Variants in SULF1 observed in about 807,000 individuals in gnomAD.
The protein encoded by SULF1 is extracellular sulfatase Sulf-1.
In SULF1, 46 loss-of-function variants were observed where a neutral mutation model predicts 110.5. The ratio of observed to expected loss-of-function variants is 0.42; its 90% CI spans 0.33 to 0.53. The LOEUF (loss-of-function observed/expected upper bound fraction) is 0.53. Among genes scored for constraint, SULF1 ranks in the 20% least tolerant of loss-of-function variants. The pLI is 0.12. For synonymous variants in SULF1, 371 were observed against 387.1 expected (o/e 0.96, Z 0.49); for missense variants, 941 against 1,094.2 (o/e 0.86, Z 1.98).
upstream of SULF1, among the ~76,000 whole-genome samples, chr8:69,489,359 G>A (rs977044341): frequency 5.9e-5 from 9 of 152,088 alleles, no homozygotes; most frequent in Non-Finnish European, 1.2e-4. Context: ...TCATGCAGAA[G>A]TATCCTACAC....
At chr8:69,623,889 C>A in intron 14 of SULF1, 53 bp from the exon 15 acceptor site, 1 of 1,562,454 alleles carries the variant, frequency 6.4e-7, no homozygotes, top group Non-Finnish European at 8.7e-7. Context: ...CACTTTCTTC[C>A]CTTGTAAGCT....
intron 3 of SULF1, among the ~76,000 whole-genome samples, chr8:69,518,425 C>G (rs1197182362): frequency 6.6e-6 from 1 of 152,152 alleles, no homozygotes; most frequent in Admixed American, 6.6e-5. Context: ...CTGGCATTTT[C>G]ACATGTCTAG....
intron 1 of SULF1, among the ~76,000 whole-genome samples, chr8:69,481,781 G>A (rs148551619): frequency 5.3e-5 from 8 of 152,294 alleles, no homozygotes; most frequent in African/African-American, 1.9e-4. Flanking sequence ...CCATGTCCCT[G>A]TGAAGGACAT....
At chr8:69,630,953 T>A (rs925214602) in intron 19 of SULF1, among the ~76,000 whole-genome samples, 4 of 151,930 alleles carry the variant, frequency 2.6e-5, no homozygotes, top group African/African-American at 4.8e-5. Context: ...TATCTCCTAA[T>A]GCTATCCCTC....
chr8:69,558,153 A>G (rs1315362894), intron 3 of SULF1, among the ~76,000 whole-genome samples: 2 of 152,108 alleles, frequency 1.3e-5, no homozygotes, highest in African/African-American at 4.8e-5. Context: ...TCTCTGGGAG[A>G]CTCAAAAGCC....
At chr8:69,490,845 C>T (rs1809905204), upstream of SULF1, among the ~76,000 whole-genome samples, 2 of 152,114 alleles carry the variant, frequency 1.3e-5, no homozygotes, top group Non-Finnish European at 2.9e-5. Context: ...AGCATCTAGG[C>T]CAGTTCCTGA....
intron 13 of SULF1, among the ~76,000 whole-genome samples, chr8:69,607,888 C>G (rs1031884894): frequency 6.6e-6 from 1 of 152,182 alleles, no homozygotes; most frequent in African/African-American, 2.4e-5. Context: ...GACATGCGCC[C>G]TGCTTCCGTT....
upstream of SULF1, among the ~76,000 whole-genome samples, chr8:69,490,308 G>T (rs1170491689): frequency 2.0e-5 from 3 of 151,740 alleles, no homozygotes; most frequent in Non-Finnish European, 4.4e-5. Flanking sequence ...TCATCATGTT[G>T]CCCATGCTAG....
intron 3 of SULF1, among the ~76,000 whole-genome samples, chr8:69,531,666 CTG>C (rs1381510787): frequency 6.6e-6 from 1 of 152,214 alleles, no homozygotes; most frequent in African/African-American, 2.4e-5. Flanking sequence ...TTTATTATGA[CTG>C]AGAGAAGTCT....
At chr8:69,470,224 T>A (rs1049393674) in intron 1 of SULF1, among the ~76,000 whole-genome samples, 5 of 152,138 alleles carry the variant, frequency 3.3e-5, no homozygotes, top group Non-Finnish European at 5.9e-5. Context: ...GGGATTAAAA[T>A]TTTTAAAACC....
rs769014187 is a variant in SULF1 at position 69,589,106 on chromosome 8, G to A, written c.699G>A (p.Gln233=). 1 of 1,614,056 alleles carries A rather than the reference G, an allele frequency of 6.2e-7. No individual in the cohort carries two copies. The highest frequency in any genetic ancestry group is 8.5e-7 in the Non-Finnish European group (1 of 1,180,002). The change falls in exon 8 of 23, where the codon CAG becomes CAA. Residue 233 remains glutamine (Q), a synonymous_variant. Coordinates refer to ENST00000402687, the MANE Select transcript of SULF1 (RefSeq NM_001128205.2). Reference sequence around the variant, plus strand: ...ACGGCCCCGAGGACTCAGCCCCACAGTTTTCTAAACTGTACCCCAATGCTT... The same window carrying A: ...ACGGCCCCGAGGACTCAGCCCCACAATTTTCTAAACTGTACCCCAATGCTT... ...APHGPEDSAP[Q]FSKLYPNASQ...
At chr8:69,470,075 G>A (rs1586182787) in intron 1 of SULF1, among the ~76,000 whole-genome samples, 1 of 152,056 alleles carries the variant, frequency 6.6e-6, no homozygotes, top group Admixed American at 6.6e-5. Flanking sequence ...CAAGATTTCT[G>A]ATACTGAGCT....
intron 1 of SULF1, among the ~76,000 whole-genome samples, chr8:69,470,580 C>T (rs2725088): frequency 0.16 from 23,678 of 151,910 alleles, 3,030 homozygotes; most frequent in African/African-American, 0.35. Flanking sequence ...ACCATCCCAG[C>T]GCAATGATCA....
At chr8:69,504,226 A>G (rs1028491847) in intron 3 of SULF1, among the ~76,000 whole-genome samples, 20 of 151,888 alleles carry the variant, frequency 1.3e-4, no homozygotes, top group Admixed American at 6.6e-5. Context: ...GCACATCTTT[A>G]TTATGGGAAA....
intron 8 of SULF1, chr8:69,592,970 A>C: frequency 1.0e-6 from 1 of 987,372 alleles, no homozygotes; most frequent in Non-Finnish European, 1.2e-6. Flanking sequence ...TCCAGGTGCA[A>C]GTATGTGCTA....
chr8:69,514,534 G>C (rs112428138), intron 3 of SULF1, among the ~76,000 whole-genome samples: 2,699 of 152,206 alleles, frequency 0.018, 89 homozygotes, highest in African/African-American at 0.061. Context: ...TCTTCCTCTG[G>C]CCACTCTCAA....
chr8:69,478,139 C>T (rs1390718804), intron 1 of SULF1, among the ~76,000 whole-genome samples: 1 of 152,162 alleles, frequency 6.6e-6, no homozygotes, highest in East Asian at 1.9e-4. Context: ...AGGTGCAAGC[C>T]ACTGTACCCA....
intron 3 of SULF1, among the ~76,000 whole-genome samples, chr8:69,503,798 CT>C (rs370398017): frequency 0.023 from 3,387 of 148,958 alleles, 120 homozygotes; most frequent in African/African-American, 0.077. Flanking sequence ...TCTTTCTTTC[CT>C]TTTTTTTTTC....
chr8:69,599,490 T>C (rs1295606960), intron 8 of SULF1, among the ~76,000 whole-genome samples: 1 of 152,188 alleles, frequency 6.6e-6, no homozygotes, highest in Non-Finnish European at 1.5e-5. Context: ...GTTCCTCAAC[T>C]TTGCCAAGGC....
Sources: allele counts gnomAD v4.1 joint callset (sites outside exome capture counted in the v4.1 genomes callset), GRCh38; gene constraint gnomAD v4.1.1; transcripts MANE v1.5; gene names NCBI Gene and HGNC (gene_info 2026-07-23, HGNC 2026-07-21).